ZSWIM2: variants seen among roughly 807,000 people sequenced by gnomAD.
ZSWIM2 encodes zinc finger SWIM-type containing 2, also known as E3 ubiquitin-protein ligase ZSWIM2.
Under a neutral mutation model 48.4 loss-of-function variants are expected in ZSWIM2, and 38 were observed. The observed-to-expected ratio is 0.79, with a 90% CI of 0.61 to 1.03. The LOEUF is 1.03. ZSWIM2 is among the 50% of genes least tolerant of loss of function. The pLI is 0.00. For synonymous variants in ZSWIM2, 240 were observed against 251.3 expected, an observed-to-expected ratio of 0.96 and a Z score of 0.42; for missense variants, 776 against 730.2, an observed-to-expected ratio of 1.06 and a Z score of -0.72.
chr2:186,839,731 A>C (rs1691868509), intron 3 of ZSWIM2, among the ~76,000 whole-genome samples: 1 of 151,648 alleles, frequency 6.6e-6, no homozygotes, highest in South Asian at 2.1e-4. Flanking sequence ...GTTTCTCAGG[A>C]CAATCTATTA....
chr2:186,827,553 GT>G lies in ZSWIM2; in HGVS notation c.*430del, dbSNP rs34155103. ...AAACTCCTTTATGGAGTTTTTTAAGGTTTTTTTTTATAGGTTTGTGGTAATT... is the reference window on the plus strand; with the variant it reads ...AAACTCCTTTATGGAGTTTTTTAAGGTTTTTTTTATAGGTTTGTGGTAATT... On this transcript the variant is annotated 3_prime_UTR_variant, in exon 9 of 9. Coordinates refer to ENST00000295131, the MANE Select transcript of ZSWIM2 (RefSeq NM_182521.3). Among the ~76,000 whole-genome samples the G allele has an allele frequency of 4.0e-5, 6 of 150,326 alleles. No homozygotes were observed. The highest frequency in any genetic ancestry group is 4.2e-4 in the South Asian group (2 of 4,788).
rs1216078042 is a variant in ZSWIM2 at position 186,844,703 on chromosome 2, AC to A, written c.283+13del. 8.4e-6 allele frequency: 13 copies of A among 1,547,262 alleles called. No homozygotes were observed. Among genetic ancestry groups the A allele is most frequent in the African/African-American group, 1.4e-5 (1 of 70,096 alleles). On this transcript the variant is annotated intron_variant, in intron 3 of 8. Transcript: ENST00000295131. Reference sequence around the variant, plus strand: ...TAAAAAAAAAACACAAAAAACCCAAACCCCAAAACTTACATTCATGGTTCCT... The same window carrying A: ...TAAAAAAAAAACACAAAAAACCCAAACCCAAAACTTACATTCATGGTTCCT...
At chr2:186,842,595 C>T (rs1256467783) in intron 3 of ZSWIM2, among the ~76,000 whole-genome samples, 2 of 151,310 alleles carry the variant, frequency 1.3e-5, no homozygotes, top group East Asian at 1.9e-4. Context: ...CATTCATATA[C>T]TAGCAATACA....
intron 3 of ZSWIM2, among the ~76,000 whole-genome samples, chr2:186,840,463 AC>A (rs61443229): frequency 0.15 from 22,112 of 151,576 alleles, 2,523 homozygotes; most frequent in African/African-American, 0.33. Flanking sequence ...AAGACAGCTA[AC>A]CGGGACTGAC....
Position 186,839,100 on chromosome 2 carries a change from G to C in ZSWIM2, c.353C>G (p.Thr118Ser). ...TTCGTCATTTGTTCCTGGTTGGGGA[G>C]TTTGAACTCGATGTATCCCCCGAAG... ...DLLRGIHRVQ[T>S]PQPGTNDENE... The change falls in exon 4 of 9, where the codon ACT (threonine) becomes AGT (serine). Residue 118 changes from threonine to serine, a missense_variant. Thr to Ser is a moderately conservative substitution (Grantham distance 58). Coordinates refer to ENST00000295131, the MANE Select transcript of ZSWIM2 (RefSeq NM_182521.3). 6.2e-7 allele frequency: 1 copy of C among 1,611,812 alleles called. No homozygotes were observed. Among genetic ancestry groups the C allele is most frequent in the East Asian group, 2.2e-5 (1 of 44,806 alleles).
intron 4 of ZSWIM2, 71 bp from the exon 5 acceptor site, chr2:186,837,625 T>TATAC (rs1691819521): frequency 4.9e-6 from 2 of 409,216 alleles, no homozygotes; most frequent in African/African-American, 4.5e-5. Flanking sequence ...TATATATATA[T>TATAC]ATATTATATA....
chr2:186,848,178 C>T (rs1045920959), intron 1 of ZSWIM2, among the ~76,000 whole-genome samples: 22 of 152,218 alleles, frequency 1.4e-4, no homozygotes, highest in African/African-American at 4.6e-4. Flanking sequence ...GCATTTGAGT[C>T]GGTGAATTTA....
intron 7 of ZSWIM2, among the ~76,000 whole-genome samples, chr2:186,830,339 G>A (rs773952436): frequency 2.0e-4 from 30 of 152,098 alleles, no homozygotes; most frequent in Non-Finnish European, 3.1e-4. Flanking sequence ...CCGAGATCAC[G>A]GCACTGTACT....
chr2:186,840,108 C>T (rs1691878001), intron 3 of ZSWIM2, among the ~76,000 whole-genome samples: 2 of 151,448 alleles, frequency 1.3e-5, no homozygotes, highest in Non-Finnish European at 3.0e-5. Context: ...ACAGAAATCG[C>T]AGTTCCCTGT....
intron 5 of ZSWIM2, among the ~76,000 whole-genome samples, chr2:186,834,918 A>G (rs1574138734): frequency 6.6e-6 from 1 of 152,118 alleles, no homozygotes; most frequent in Non-Finnish European, 1.5e-5. Context: ...TAATTCCTCT[A>G]TGACATACAA....
chr2:186,829,616 C>T, intron 8 of ZSWIM2, 111 bp downstream of exon 8: 1 of 1,040,618 alleles, frequency 9.6e-7, no homozygotes, highest in Non-Finnish European at 1.4e-6. Flanking sequence ...GCAATGTGAA[C>T]ACCTCTGTAC....
intron 1 of ZSWIM2, 147 bp downstream of exon 1, chr2:186,848,818 TG>T (rs1189024309): frequency 9.8e-5 from 96 of 981,952 alleles, no homozygotes; most frequent in Middle Eastern, 6.5e-4. Context: ...TTTTAGAGTC[TG>T]GAACACTCGT....
In ZSWIM2 at chr2:186,838,955, T is replaced by A. The variant is rs746103464; in HGVS notation, c.494+4A>T. 3 of 1,604,002 alleles carry A rather than the reference T, an allele frequency of 1.9e-6. No individual in the cohort carries two copies. The African/African-American group carries it at 4.0e-5, about 22-fold the overall frequency. ...TTTAAGAATCTAAAGAAAAAGTACA[T>A]CACCTGCAAAAGGTGACAGGAAGCT... On this transcript the variant is annotated splice_donor_region_variant and intron_variant, in intron 4 of 8. Transcript: ENST00000295131.
rs202026853 is a variant in ZSWIM2 at position 186,833,209 on chromosome 2, T to C, written c.852A>G (p.Ser284=). The change falls in exon 7 of 9, where the codon TCA becomes TCG. Residue 284 remains serine, a synonymous_variant. Transcript: ENST00000295131. The stretch of plus-strand genomic sequence containing the variant: ...CAACTTCATCTGCTCTTTTTTCTAG[T>C]GATCTCCATTTTTGGTTTCTTTTCT... ...FREKRNQKWR[S]LEKRADEVVK... is the part of the protein sequence containing the mutation. 66 of 1,539,434 alleles carry C rather than the reference T, an allele frequency of 4.3e-5. No individual in the cohort carries two copies. In the East Asian group the frequency reaches 1.4e-3, roughly 32 times the overall value.
chr2:186,846,750 T>C (rs1279705997), intron 2 of ZSWIM2, among the ~76,000 whole-genome samples: 1 of 150,016 alleles, frequency 6.7e-6, no homozygotes, highest in African/African-American at 2.5e-5. Flanking sequence ...ATGGTGGGCA[T>C]AAAAATATAC....
At chr2:186,843,541 T>C (rs1691945497) in intron 3 of ZSWIM2, among the ~76,000 whole-genome samples, 1 of 151,524 alleles carries the variant, frequency 6.6e-6, no homozygotes, top group South Asian at 2.1e-4. Context: ...GCAGGATTTG[T>C]GGTATGGGTA....
chr2:186,836,201 G>T (rs1437009970), intron 5 of ZSWIM2, among the ~76,000 whole-genome samples: 4 of 151,936 alleles, frequency 2.6e-5, no homozygotes, highest in African/African-American at 9.7e-5. Context: ...TCCATGACTG[G>T]TCCTATCCAC....
At chr2:186,839,938 C>T (rs1206135781) in intron 3 of ZSWIM2, among the ~76,000 whole-genome samples, 1 of 151,552 alleles carries the variant, frequency 6.6e-6, no homozygotes, top group Non-Finnish European at 1.5e-5. Context: ...AATTTAAATG[C>T]TAGTTGTTAT....
chr2:186,833,485 A>C (rs1691740636), intron 6 of ZSWIM2, among the ~76,000 whole-genome samples: 1 of 152,134 alleles, frequency 6.6e-6, no homozygotes, highest in Non-Finnish European at 1.5e-5. Flanking sequence ...TTGTCTGGTA[A>C]GTAGAAGGTA....
Sources: allele counts gnomAD v4.1 joint callset (sites outside exome capture counted in the v4.1 genomes callset), GRCh38; gene constraint gnomAD v4.1.1; transcripts MANE v1.5; gene names NCBI Gene and HGNC (gene_info 2026-07-23, HGNC 2026-07-21).